The following THSD4 variants were observed in gnomAD, a reference collection of about 807,000 sequenced individuals.
THSD4 encodes thrombospondin type-1 domain-containing protein 4.
THSD4 carries 69 observed loss-of-function variants against 119.0 expected under a neutral mutation model. That is an observed-to-expected ratio of 0.58 (90% CI 0.48 to 0.71). The LOEUF (loss-of-function observed/expected upper bound fraction) is 0.71, where lower values mean the gene tolerates loss of function less well. Ranked by LOEUF, THSD4 falls within the 30% of genes least tolerant of loss-of-function variation. The pLI, the probability that THSD4 is intolerant of heterozygous loss-of-function variation, is 0.00. For synonymous variants in THSD4, 524 were observed against 540.4 expected (o/e 0.97, Z 0.42); for missense variants, 1,393 against 1,391.1 (o/e 1.00, Z -0.02).
rs1299475961 is a variant in THSD4, at chr15:71,624,601, T to TGTGTA, written c.1153-35928_1153-35924dup. ...GTGTTTTGGACTCATTTGGTGTTAA[T>TGTGTA]GTGTAAATCCAATCCTGTTTTCACA... is the stretch of plus-strand genomic sequence containing the variant. On this transcript the variant is annotated intron_variant, in intron 7 of 17. Transcript: ENST00000261862. 4.6e-5 allele frequency among the ~76,000 whole-genome samples: 7 copies of TGTGTA among 151,886 alleles called. No homozygotes were observed. In the East Asian group the frequency reaches 1.4e-3, roughly 29 times the overall value.
intron 7 of THSD4, among the ~76,000 whole-genome samples, chr15:71,639,516 G>C (rs556189826): frequency 3.3e-5 from 5 of 152,252 alleles, no homozygotes; most frequent in South Asian, 2.1e-4. Context: ...AGTTGTAGTC[G>C]TAAGAATTTT....
Position 71,352,090 on chromosome 15 carries a change from G to A in THSD4, c.1016-59597G>A, listed in dbSNP as rs118186524. Among the ~76,000 whole-genome samples the A allele has an allele frequency of 6.6e-3, 1,007 of 152,266 alleles. 4 individuals are homozygous for A. The highest frequency in any genetic ancestry group is 0.024 in the Middle Eastern group (7 of 294). ...AGCCTTTTAATTAAACAAAAGAAAAGACTGCCATGTCCATTTATTTTTGGC... is the reference window on the plus strand; with the variant it reads ...AGCCTTTTAATTAAACAAAAGAAAAAACTGCCATGTCCATTTATTTTTGGC... On this transcript the variant is annotated intron_variant, in intron 6 of 17. Coordinates refer to ENST00000261862, the MANE Select transcript of THSD4 (RefSeq NM_024817.3).
chr15:71,233,897 T>C (rs896811703), intron 4 of THSD4, among the ~76,000 whole-genome samples: 1 of 152,178 alleles, frequency 6.6e-6, no homozygotes, highest in Non-Finnish European at 1.5e-5. Context: ...GACTCTCTCC[T>C]CTCTCTCCTC....
At chr15:71,561,099 C>T (rs2049108470) in intron 7 of THSD4, among the ~76,000 whole-genome samples, 1 of 151,760 alleles carries the variant, frequency 6.6e-6, no homozygotes, top group Non-Finnish European at 1.5e-5. Context: ...CTCAGCCTCC[C>T]GAGTAGCTGG....
At chr15:71,366,382 G>T (rs2045964842) in intron 6 of THSD4, among the ~76,000 whole-genome samples, 1 of 152,112 alleles carries the variant, frequency 6.6e-6, no homozygotes, top group Non-Finnish European at 1.5e-5. Context: ...TTACTCTGCT[G>T]GGTATAGGGA....
At chr15:71,465,065 C>G (rs968256968) in intron 7 of THSD4, among the ~76,000 whole-genome samples, 28 of 152,026 alleles carry the variant, frequency 1.8e-4, no homozygotes, top group Non-Finnish European at 5.9e-5. Context: ...GCGAGTGACT[C>G]AAGGTGGAAC....
chr15:71,436,555 G>A (rs1229783877), intron 7 of THSD4, among the ~76,000 whole-genome samples: 1 of 152,096 alleles, frequency 6.6e-6, no homozygotes, highest in African/African-American at 2.4e-5. Context: ...CTCGAATCTG[G>A]CTTCCAGAAG....
chr15:71,397,212 G>T (rs1001050457), intron 6 of THSD4, among the ~76,000 whole-genome samples: 4 of 152,136 alleles, frequency 2.6e-5, no homozygotes, highest in African/African-American at 9.7e-5. Context: ...ATATATCTCT[G>T]CCTGGAATGT....
In THSD4 at chr15:71,779,525, T is replaced by A. The variant is rs2053966193; in HGVS notation, c.*2151T>A. 1 of 152,276 alleles carries A rather than the reference T, an allele frequency of 6.6e-6. No homozygotes were observed. The highest frequency in any genetic ancestry group is 2.4e-5 in the African/African-American group (1 of 41,466). The allele number at this position is 152,276 out of a possible 1,614,324, so 9.4% of individuals were successfully genotyped here. The stretch of plus-strand genomic sequence containing the variant: ...TAGCTCAAGTTAAAGGAACACCTTC[T>A]AGCCATCAAAGCCGCCCAACAGAGG... On this transcript the variant is annotated 3_prime_UTR_variant, in exon 18 of 18. Transcript: ENST00000261862.
intron 8 of THSD4, among the ~76,000 whole-genome samples, chr15:71,717,993 T>C (rs1373028976): frequency 6.6e-6 from 1 of 151,854 alleles, no homozygotes. Context: ...TACAAAAAAA[T>C]TAAAAATTAA....
chr15:71,556,637 G>A (rs186097619), intron 7 of THSD4, among the ~76,000 whole-genome samples: 3 of 152,090 alleles, frequency 2.0e-5, no homozygotes, highest in African/African-American at 7.2e-5. Context: ...GGTGGTGTGT[G>A]CCTATATTCC....
intron 1 of THSD4, among the ~76,000 whole-genome samples, chr15:71,103,532 C>T (rs539653431): frequency 2.6e-5 from 4 of 152,306 alleles, no homozygotes; most frequent in African/African-American, 9.6e-5. Context: ...TTCAGTTTCT[C>T]TGCTCTGCCA....
At chr15:71,770,246 CAAAAAA>C (rs776324670) in intron 16 of THSD4, among the ~76,000 whole-genome samples, 1 of 46,150 alleles carries the variant, frequency 2.2e-5, no homozygotes, top group Non-Finnish European at 3.8e-5. Flanking sequence ...GAAACTCCAT[CAAAAAA>C]AAAAAAAAAA....
At chr15:71,249,788 C>T (rs190991871) in intron 5 of THSD4, among the ~76,000 whole-genome samples, 1 of 152,284 alleles carries the variant, frequency 6.6e-6, no homozygotes, top group Non-Finnish European at 1.5e-5. Flanking sequence ...CGTTCATTCT[C>T]TCTATAACTC....
rs149913686 is a variant in THSD4, at chr15:71,550,899, A to G, written c.1153-109631A>G. ...ACTATCCTAAAAACTACTGAACCAT[A>G]TCCTTTAAAAGAGCAATTTTATGGC... On this transcript the variant is annotated intron_variant, in intron 7 of 17. Transcript: ENST00000261862. 5.8e-3 allele frequency among the ~76,000 whole-genome samples: 885 copies of G among 152,330 alleles called. 1 individual carries two copies. The highest frequency in any genetic ancestry group is 0.024 in the Middle Eastern group (7 of 294).
At chr15:71,274,396 A>C (rs2044566886) in intron 6 of THSD4, among the ~76,000 whole-genome samples, 1 of 152,186 alleles carries the variant, frequency 6.6e-6, no homozygotes. Context: ...AGACCTGTGT[A>C]GATCCCCTCT....
intron 7 of THSD4, among the ~76,000 whole-genome samples, chr15:71,428,796 CT>C (rs924839030): frequency 6.6e-6 from 1 of 152,112 alleles, no homozygotes; most frequent in African/African-American, 2.4e-5. Context: ...TTGATAATTT[CT>C]TTTTTAATGC....
intron 7 of THSD4, among the ~76,000 whole-genome samples, chr15:71,499,545 T>C (rs4341701): frequency 0.94 from 141,853 of 151,106 alleles, 66,880 homozygotes; most frequent in East Asian, 1. Context: ...AATTTTTAAG[T>C]GTATAGTACA....
chr15:71,320,803 A>T (rs974092656), intron 6 of THSD4, among the ~76,000 whole-genome samples: 24 of 151,990 alleles, frequency 1.6e-4, no homozygotes, highest in African/African-American at 5.6e-4. Flanking sequence ...AACTCCAGAC[A>T]TCTTTTTTTT....
Sources: allele counts gnomAD v4.1 joint callset (sites outside exome capture counted in the v4.1 genomes callset), GRCh38; gene constraint gnomAD v4.1.1; transcripts MANE v1.5; gene names NCBI Gene and HGNC (gene_info 2026-07-23, HGNC 2026-07-21).